The following HNRNPLL variants were observed in gnomAD, a reference collection of about 807,000 sequenced individuals.
The protein encoded by HNRNPLL is heterogeneous nuclear ribonucleoprotein L-like.
HNRNPLL carries 25 observed loss-of-function variants against 67.1 expected under a neutral mutation model. The ratio of observed to expected loss-of-function variants is 0.37; its 90% CI spans 0.27 to 0.52. The LOEUF (loss-of-function observed/expected upper bound fraction) is 0.52. HNRNPLL is among the 20% of genes least tolerant of loss of function. HNRNPLL has a pLI of 0.90. For missense variants in HNRNPLL, 542 were observed against 673.9 expected (o/e 0.80, Z 2.17); for synonymous variants, 267 against 241.7 (o/e 1.10, Z -0.97).
At position 38,568,181 on chromosome 2, in the gene HNRNPLL, A is replaced by C; in HGVS notation, c.1573+18T>G. 2 of 1,506,438 alleles carry C rather than the reference A, an allele frequency of 1.3e-6. No individual in the cohort carries two copies. The highest frequency in any genetic ancestry group is 2.3e-5 in the South Asian group (2 of 86,492). 93.3% of individuals were successfully genotyped at this position (1,506,438 alleles called of 1,614,324 possible). A position where few individuals can be genotyped will look rare whatever the true frequency, so the allele number is the denominator to read the frequency against. On this transcript the variant is annotated intron_variant, in intron 12 of 12. Transcript: ENST00000449105. ...CTGCCACTACATAATTACAACACAA[A>C]TAAAGCATTTTACTTACTCGGCACT...
In HNRNPLL at chr2:38,602,584, C is replaced by T. The variant is rs1293118955; in HGVS notation, c.43G>A (p.Asp15Asn). The T allele has an allele frequency of 2.5e-6, 4 of 1,573,590 alleles. No homozygotes were observed. Among genetic ancestry groups the T allele is most frequent in the African/African-American group, 2.7e-5 (2 of 73,506 alleles). ...SSSPRETYEE[D>N]REYESQAKRL... ...TTGGCCTGGCTCTCGTACTCCCGGTCCTCCTCGTACGTCTCCCTGGGGGAG... is the reference window on the plus strand; with the variant it reads ...TTGGCCTGGCTCTCGTACTCCCGGTTCTCCTCGTACGTCTCCCTGGGGGAG... The change falls in exon 1 of 13, where the codon GAC becomes AAC. Residue 15 changes from aspartate (D) to asparagine (N), a missense_variant. This residue lies in a region of HNRNPLL where 127 missense variants were observed against 98.7 expected (regional missense o/e 1.29). Coordinates refer to ENST00000449105, the MANE Select transcript of HNRNPLL (RefSeq NM_138394.4).
intron 1 of HNRNPLL, among the ~76,000 whole-genome samples, chr2:38,594,361 G>C (rs1218881984): frequency 6.6e-6 from 1 of 152,050 alleles, no homozygotes; most frequent in African/African-American, 2.4e-5. Context: ...AAATAGTAAT[G>C]GTTATGTAAG....
At chr2:38,584,172 C>T (rs1280828910) in intron 3 of HNRNPLL, among the ~76,000 whole-genome samples, 1 of 152,154 alleles carries the variant, frequency 6.6e-6, no homozygotes, top group Non-Finnish European at 1.5e-5. Flanking sequence ...AACGATCTCC[C>T]GCCTCAGCCT....
intron 1 of HNRNPLL, among the ~76,000 whole-genome samples, chr2:38,600,550 A>G (rs1406888364): frequency 6.6e-6 from 1 of 152,020 alleles, no homozygotes; most frequent in East Asian, 1.9e-4. Context: ...CAATATGGTG[A>G]AACCCCTTCT....
chr2:38,602,338 G>A, intron 1 of HNRNPLL, 100 bp downstream of exon 1: 1 of 1,180,344 alleles, frequency 8.5e-7, no homozygotes, highest in Non-Finnish European at 1.2e-6. Context: ...GGTCGGCGCA[G>A]CGGAAAAGGC....
chr2:38,592,823 A>G (rs557263669), intron 1 of HNRNPLL, among the ~76,000 whole-genome samples: 22 of 152,352 alleles, frequency 1.4e-4, no homozygotes, highest in Admixed American at 5.2e-4. Context: ...GAAATTTTTT[A>G]AAGTTTTTTT....
rs758298197 is a variant in HNRNPLL, at chr2:38,591,636, T to A, written c.202A>T (p.Ser68Cys). 6.2e-7 allele frequency: 1 copy of A among 1,608,036 alleles called. No individual in the cohort carries two copies. Among genetic ancestry groups the A allele is most frequent in the Admixed American group, 1.7e-5 (1 of 59,976 alleles). The change falls in exon 2 of 13, where the codon AGT (serine) becomes TGT (cysteine). Residue 68 changes from serine to cysteine, a missense_variant. Ser to Cys is a moderately radical substitution (Grantham distance 112, BLOSUM62 -1). This residue lies in a region of HNRNPLL where 127 missense variants were observed against 98.7 expected (regional missense o/e 1.29). Transcript: ENST00000449105. The part of the protein sequence containing the change: ...RSFSQPEAGG[S>C]HHKVSVSPVV... ...GGTGAAACAGAAACTTTATGATGAC[T>A]TCCACCTGCCTCCTAGCAAGAGAAA... is the stretch of plus-strand genomic sequence containing the variant.
Position 38,582,022 on chromosome 2 carries a change from T to C in HNRNPLL, c.730-37A>G, listed in dbSNP as rs1334409391. ...GAAAATAATGTAAGTTCAAACTGCATATCCAAAGCATAAATATTTCTTGGG... is the reference window on the plus strand; with the variant it reads ...GAAAATAATGTAAGTTCAAACTGCACATCCAAAGCATAAATATTTCTTGGG... On this transcript the variant is annotated intron_variant, in intron 5 of 12. Transcript: ENST00000449105. 7 of 1,596,330 alleles carry C rather than the reference T, an allele frequency of 4.4e-6. No homozygotes were observed. The African/African-American group carries it at 8.0e-5, about 18-fold the overall frequency.
At chr2:38,590,304 C>T (rs1382393468) in intron 2 of HNRNPLL, among the ~76,000 whole-genome samples, 1 of 152,212 alleles carries the variant, frequency 6.6e-6, no homozygotes, top group Non-Finnish European at 1.5e-5. Flanking sequence ...CTGATCACTA[C>T]CTCATTATCT....
At position 38,602,646 on chromosome 2, in the gene HNRNPLL, G is replaced by C. The variant is rs769096997; in HGVS notation, c.-20C>G. 1 of 1,489,432 alleles carries C rather than the reference G, an allele frequency of 6.7e-7. No homozygotes were observed. The highest frequency in any genetic ancestry group is 8.9e-7 in the Non-Finnish European group (1 of 1,123,382). 92.3% of individuals were successfully genotyped at this position (1,489,432 alleles called of 1,614,324 possible). A position where few individuals can be genotyped will look rare whatever the true frequency, so the allele number is the denominator to read the frequency against. On this transcript the variant is annotated 5_prime_UTR_variant, in exon 1 of 13. Transcript: ENST00000449105. ...GGACATGGCGGCGGCCGGAGGGACC[G>C]GCTGGCAGGCGGGTGGGGGTGGCGG...
intron 7 of HNRNPLL, among the ~76,000 whole-genome samples, 195 bp downstream of exon 7, chr2:38,577,266 A>G (rs569273110): frequency 6.6e-6 from 1 of 152,026 alleles, no homozygotes; most frequent in East Asian, 1.9e-4. Context: ...ACTTATCTCA[A>G]GGATTTTTTT....
rs990862358 is a variant in HNRNPLL, at chr2:38,602,928, T to C, written c.-302A>G. On this transcript the variant is annotated 5_prime_UTR_variant, in exon 1 of 13. Coordinates refer to ENST00000449105, the MANE Select transcript of HNRNPLL (RefSeq NM_138394.4). ...CTGCCCGGAGGAGCGAATCTAAGGA[T>C]GGGGACGCAACCGTGGCTTCCGGTC... 1 of 1,497,140 alleles carries C rather than the reference T, an allele frequency of 6.7e-7. No homozygotes were observed. The highest frequency in any genetic ancestry group is 9.1e-7 in the Non-Finnish European group (1 of 1,099,790). 92.7% of individuals were successfully genotyped at this position (1,497,140 alleles called of 1,614,324 possible). A position where few individuals can be genotyped will look rare whatever the true frequency, so the allele number is the denominator to read the frequency against.
Position 38,573,424 on chromosome 2 carries a change from G to A in HNRNPLL, c.878C>T (p.Ser293Phe). The change falls in exon 8 of 13, where the codon TCC (serine) becomes TTC (phenylalanine). Residue 293 changes from serine to phenylalanine, a missense_variant. Ser to Phe is a radical substitution (Grantham distance 155, BLOSUM62 -2). Around this residue, in one of 2 missense-constraint regions of HNRNPLL, gnomAD observed 415 missense variants for 575.2 expected, o/e 0.72. Coordinates refer to ENST00000449105, the MANE Select transcript of HNRNPLL (RefSeq NM_138394.4). Reference sequence around the variant, plus strand: ...TGGTAAAGGCAATAATGGACCATGGGATCCTATAAAAATGATCAAAATAAA... The same window carrying A: ...TGGTAAAGGCAATAATGGACCATGGAATCCTATAAAAATGATCAAAATAAA... ...PSSFRHDGYG[S>F]HGPLLPLPSR... 6.3e-7 allele frequency: 1 copy of A among 1,596,342 alleles called. No homozygotes were observed. Among genetic ancestry groups the A allele is most frequent in the Non-Finnish European group, 8.6e-7 (1 of 1,168,150 alleles).
At chr2:38,577,049 A>T (rs1666325781) in intron 7 of HNRNPLL, among the ~76,000 whole-genome samples, 1 of 151,894 alleles carries the variant, frequency 6.6e-6, no homozygotes, top group Admixed American at 6.6e-5. Flanking sequence ...AACCAGAAGC[A>T]TGTTTCCTTT....
intron 1 of HNRNPLL, among the ~76,000 whole-genome samples, chr2:38,596,811 AC>A (rs1290930651): frequency 2.6e-5 from 4 of 152,142 alleles, no homozygotes; most frequent in Non-Finnish European, 5.9e-5. Context: ...CAGACTAGAA[AC>A]AATATCCCAG....
chr2:38,579,741 A>T (rs1027488510), intron 6 of HNRNPLL, among the ~76,000 whole-genome samples: 3 of 150,702 alleles, frequency 2.0e-5, no homozygotes, highest in African/African-American at 4.9e-5. Context: ...AAAAGTTTTT[A>T]TTTTTTTTGG....
At chr2:38,581,220 GATTTACAAC>G (rs1666519158) in intron 6 of HNRNPLL, 1 of 152,168 alleles carries the variant, frequency 6.6e-6, no homozygotes, top group Non-Finnish European at 1.5e-5. Flanking sequence ...TGGGCATTAA[GATTTACAAC>G]ATTGCAGATG....
rs1286558693 is a variant in HNRNPLL, at chr2:38,569,287, T to A, written c.1262A>T (p.Glu421Val). The A allele has an allele frequency of 6.2e-7, 1 of 1,613,038 alleles. No homozygotes were observed. The highest frequency in any genetic ancestry group is 8.5e-7 in the Non-Finnish European group (1 of 1,179,330). The change falls in exon 10 of 13, where the codon GAG (glutamate) becomes GTG (valine). Residue 421 changes from glutamate to valine, a missense_variant. Glu to Val is a moderately radical substitution (Grantham distance 121). This residue lies in a region of HNRNPLL where 415 missense variants were observed against 575.2 expected (regional missense o/e 0.72). Transcript: ENST00000449105. ...SVVPSQIFEL[E>V]DGTSSYKDFA... ...ATCTTTGTAGCTGCTGGTACCATCCTCCAGCTCAAATATTTGACTTGGAAC... is the reference window on the plus strand; with the variant it reads ...ATCTTTGTAGCTGCTGGTACCATCCACCAGCTCAAATATTTGACTTGGAAC...
chr2:38,566,133 C>A (rs1229636396), intron 12 of HNRNPLL: 3 of 968,206 alleles, frequency 3.1e-6, no homozygotes, highest in Non-Finnish European at 3.7e-6. Flanking sequence ...CTTCGGAAGG[C>A]GGAGGTGGGC....
Sources: gnomAD v4.1 joint callset for allele counts (sites outside exome capture counted in the v4.1 genomes callset) on GRCh38, gnomAD v4.1.1 for gene constraint, gnomAD v4.1.1 regional missense constraint, MANE v1.5 for transcripts, NCBI Gene and HGNC (gene_info 2026-07-23, HGNC 2026-07-21) for gene names.